The following SLMAP variants were observed in gnomAD, a reference collection of about 807,000 sequenced individuals.
SLMAP encodes the protein sarcolemma associated protein.
A neutral mutation model predicts 128.8 loss-of-function variants in SLMAP; 44 were observed. The observed-to-expected ratio is 0.34, with a 90% CI of 0.27 to 0.44. The LOEUF (loss-of-function observed/expected upper bound fraction) is 0.44, where lower values mean the gene tolerates loss of function less well. SLMAP is among the 20% of genes least tolerant of loss of function. The pLI is 1.00. For missense variants in SLMAP, 787 were observed against 985.3 expected, an observed-to-expected ratio of 0.80 and a Z score of 2.69; for synonymous variants, 327 against 348.8, an observed-to-expected ratio of 0.94 and a Z score of 0.70.
intron 14 of SLMAP, among the ~76,000 whole-genome samples, chr3:57,879,889 G>T (rs969794589): frequency 6.6e-6 from 1 of 151,712 alleles, no homozygotes; most frequent in African/African-American, 2.4e-5. Flanking sequence ...GGTGGAGGTT[G>T]CAGTGAGCCA....
At chr3:57,869,008 ATATATAT>A (rs1284682417) in intron 13 of SLMAP, among the ~76,000 whole-genome samples, 1 of 138,558 alleles carries the variant, frequency 7.2e-6, no homozygotes, top group Non-Finnish European at 1.5e-5. Context: ...ATTATATATA[ATATATAT>A]TATATGTGTA....
chr3:57,820,570 A>G (rs1456863046), intron 2 of SLMAP, among the ~76,000 whole-genome samples: 1 of 152,206 alleles, frequency 6.6e-6, no homozygotes, highest in African/African-American at 2.4e-5. Flanking sequence ...GCGAGGGCAA[A>G]TGGTCCAAGG....
intron 2 of SLMAP, among the ~76,000 whole-genome samples, chr3:57,780,054 C>G (rs2082700661): frequency 6.6e-6 from 1 of 151,644 alleles, no homozygotes. Flanking sequence ...AATGTAAGAA[C>G]ATAACCTCCC....
chr3:57,848,690 T>C (rs1239736730), intron 5 of SLMAP, among the ~76,000 whole-genome samples: 1 of 148,356 alleles, frequency 6.7e-6, no homozygotes. Flanking sequence ...TTCCTTCTTC[T>C]TTCTTCCTCC....
chr3:57,774,513 A>G (rs575719709), intron 2 of SLMAP, among the ~76,000 whole-genome samples: 296 of 7,176 alleles, frequency 0.041, no homozygotes, highest in African/African-American at 0.047. Flanking sequence ...ATAGACAATT[A>G]TTATTATTAT....
chr3:57,821,748 A>C (rs1459547912), intron 2 of SLMAP, among the ~76,000 whole-genome samples: 1 of 151,992 alleles, frequency 6.6e-6, no homozygotes, highest in Admixed American at 6.6e-5. Context: ...TATTTCATCA[A>C]CTCTGTCAGT....
intron 14 of SLMAP, among the ~76,000 whole-genome samples, chr3:57,886,444 T>C (rs558123731): frequency 1.3e-4 from 20 of 152,268 alleles, no homozygotes; most frequent in African/African-American, 4.8e-4. Flanking sequence ...AAGATAAAGA[T>C]GGTATTTTTT....
intron 22 of SLMAP, 32 bp downstream of exon 22, chr3:57,917,109 T>C (rs763159495): frequency 8.7e-6 from 14 of 1,612,852 alleles, no homozygotes; most frequent in Middle Eastern, 1.7e-4. Flanking sequence ...AGCCCAATTA[T>C]GGTTGGACTT....
At chr3:57,788,768 G>C (rs1192323221) in intron 2 of SLMAP, among the ~76,000 whole-genome samples, 3 of 152,126 alleles carry the variant, frequency 2.0e-5, no homozygotes, top group East Asian at 3.9e-4. Flanking sequence ...TGTCAGGTAG[G>C]GGTCTGTCTC....
chr3:57,907,856 G>T, intron 17 of SLMAP, 28 bp from the exon 18 acceptor site: 1 of 1,607,834 alleles, frequency 6.2e-7, no homozygotes, highest in Non-Finnish European at 8.5e-7. Context: ...ACTAACTCTT[G>T]CTTTTAAAAT....
At chr3:57,810,622 T>A (rs2090793647) in intron 2 of SLMAP, among the ~76,000 whole-genome samples, 1 of 152,218 alleles carries the variant, frequency 6.6e-6, no homozygotes, top group African/African-American at 2.4e-5. Context: ...TTGGAATCAT[T>A]CTGGTAAGGC....
At chr3:57,862,191 G>A (rs563077285) in intron 10 of SLMAP, 105 bp downstream of exon 10, 31 of 866,086 alleles carry the variant, frequency 3.6e-5, no homozygotes, top group South Asian at 1.2e-4. Context: ...GGTGGCGGGC[G>A]CCTGTAATCC....
At chr3:57,872,250 C>T (rs902158968) in intron 14 of SLMAP, among the ~76,000 whole-genome samples, 1 of 152,028 alleles carries the variant, frequency 6.6e-6, no homozygotes, top group Non-Finnish European at 1.5e-5. Flanking sequence ...TGCAGTGAGC[C>T]GAGATCGCAC....
chr3:57,792,784 A>AT (rs2085784800), intron 2 of SLMAP, among the ~76,000 whole-genome samples: 2 of 151,952 alleles, frequency 1.3e-5, no homozygotes, highest in African/African-American at 2.4e-5. Context: ...GGGCTTTTTA[A>AT]TTTTTTTTAA....
chr3:57,864,794 C>G lies in SLMAP; in HGVS notation c.1136-13C>G, dbSNP rs771299226. 6.4e-7 allele frequency: 1 copy of G among 1,551,342 alleles called. No individual in the cohort carries two copies. The highest frequency in any genetic ancestry group is 1.2e-5 in the South Asian group (1 of 82,232). On this transcript the variant is annotated splice_polypyrimidine_tract_variant and intron_variant, in intron 11 of 24. Coordinates refer to ENST00000671191, the MANE Select transcript of SLMAP (RefSeq NM_001377540.1). ...GTGAAATATCTTTTTTTTTTTTGGA[C>G]TTTTATTTACAGTACGGTTAGAACA...
At chr3:57,806,216 C>T (rs529109919) in intron 2 of SLMAP, among the ~76,000 whole-genome samples, 2 of 152,004 alleles carry the variant, frequency 1.3e-5, no homozygotes, top group African/African-American at 4.8e-5. Context: ...TCGCCCCCTG[C>T]CCCCCAACTG....
intron 14 of SLMAP, among the ~76,000 whole-genome samples, chr3:57,882,492 T>C (rs949906993): frequency 6.6e-6 from 1 of 152,224 alleles, no homozygotes; most frequent in Non-Finnish European, 1.5e-5. Flanking sequence ...GATTGGAGTT[T>C]TAGAAGAACT....
At chr3:57,815,067 A>G (rs1167467255) in intron 2 of SLMAP, among the ~76,000 whole-genome samples, 1 of 152,138 alleles carries the variant, frequency 6.6e-6, no homozygotes, top group African/African-American at 2.4e-5. Flanking sequence ...CATGGAAAAC[A>G]GTTTTTCCAT....
intron 14 of SLMAP, among the ~76,000 whole-genome samples, chr3:57,880,013 G>C (rs1341610488): frequency 6.6e-6 from 1 of 151,924 alleles, no homozygotes; most frequent in Non-Finnish European, 1.5e-5. Context: ...GAGAGGAAGG[G>C]ATTTTTATTG....
Sources: gnomAD v4.1 joint callset for allele counts (sites outside exome capture counted in the v4.1 genomes callset) on GRCh38, gnomAD v4.1.1 for gene constraint, MANE v1.5 for transcripts, NCBI Gene and HGNC (gene_info 2026-07-23, HGNC 2026-07-21) for gene names.